MYBPC2: variants seen among roughly 807,000 people sequenced by gnomAD.
The protein encoded by MYBPC2 is myosin-binding protein C, fast-type.
MYBPC2 carries 122 observed loss-of-function variants against 137.0 expected under a neutral mutation model. That is an observed-to-expected ratio of 0.89 (90% CI 0.77 to 1.03). MYBPC2 has a LOEUF of 1.03. Among genes scored for constraint, MYBPC2 ranks in the 50% least tolerant of loss-of-function variants. MYBPC2 has a pLI of 0.00. For missense variants in MYBPC2, 1,500 were observed against 1,534.4 expected (o/e 0.98, Z 0.37); for synonymous variants, 626 against 612.3 (o/e 1.02, Z -0.33).
chr19:50,452,492 GTATGTATGTATGTATGTATCTATC>G (rs57717897), intron 16 of MYBPC2, among the ~76,000 whole-genome samples: 39,063 of 121,992 alleles, frequency 0.32, 5,258 homozygotes, highest in Middle Eastern at 0.43. Flanking sequence ...ATGTATGTAT[GTATGTATGTATGTATGTATCTATC>G]TATCTATCTA....
chr19:50,459,194 C>G lies in MYBPC2; in HGVS notation c.2679C>G (p.Phe893Leu). 6.2e-7 allele frequency: 1 copy of G among 1,609,604 alleles called. No individual in the cohort carries two copies. The highest frequency in any genetic ancestry group is 8.5e-7 in the Non-Finnish European group (1 of 1,179,104). The stretch of plus-strand genomic sequence containing the variant: ...GCGTGCACGTGCGGACCAGCGACTT[C>G]GACACCGTGTTCTTCGTGCGCCAGG... The part of the protein sequence containing the change: ...TSRVHVRTSD[F>L]DTVFFVRQAA... The change falls in exon 23 of 28, where the codon TTC (phenylalanine) becomes TTG (leucine). Residue 893 changes from phenylalanine to leucine, a missense_variant. Coordinates refer to ENST00000357701, the MANE Select transcript of MYBPC2 (RefSeq NM_004533.4).
chr19:50,457,296 G>T (rs61295154), intron 20 of MYBPC2, among the ~76,000 whole-genome samples: 3,450 of 152,196 alleles, frequency 0.023, 131 homozygotes, highest in African/African-American at 0.078. Flanking sequence ...AACCCAGCTT[G>T]TTAGAGTTCA....
Position 50,455,157 on chromosome 19 carries a change from G to A in MYBPC2, c.2064G>A (p.Leu688=). ...KKKGSQRWMK[L]NFEVFTETTY... Reference sequence around the variant, plus strand: ...AGGGCTCTCAGCGCTGGATGAAGCTGAACTTTGAGGTCTTCACAGAGACCA... The same window carrying A: ...AGGGCTCTCAGCGCTGGATGAAGCTAAACTTTGAGGTCTTCACAGAGACCA... The change falls in exon 19 of 28, where the codon CTG becomes CTA. Residue 688 remains leucine, a synonymous_variant. Coordinates refer to ENST00000357701, the MANE Select transcript of MYBPC2 (RefSeq NM_004533.4). 6.2e-7 allele frequency: 1 copy of A among 1,613,828 alleles called. No homozygotes were observed. The highest frequency in any genetic ancestry group is 8.5e-7 in the Non-Finnish European group (1 of 1,179,876).
intron 26 of MYBPC2, among the ~76,000 whole-genome samples, chr19:50,462,277 C>A (rs185149043): frequency 5.3e-5 from 8 of 151,378 alleles, no homozygotes; most frequent in Non-Finnish European, 1.0e-4. Flanking sequence ...ACTTTGACCT[C>A]CTGGGTTCAA....
In MYBPC2 at chr19:50,450,891, C is replaced by T; in HGVS notation, c.1535C>T (p.Pro512Leu). Reference sequence around the variant, plus strand: ...GATGAGGGAGACTACACGTTTGTGCCTGACGGCTACGCCCTGTCGCTCTCG... The same window carrying T: ...GATGAGGGAGACTACACGTTTGTGCTTGACGGCTACGCCCTGTCGCTCTCG... ...PEDEGDYTFVPDGYALSLSAK... is the reference protein window; with the variant it reads ...PEDEGDYTFVLDGYALSLSAK... The change falls in exon 14 of 28, where the codon CCT becomes CTT. Residue 512 changes from proline (P) to leucine (L), a missense_variant. Physicochemically the swap from Pro to Leu is moderately conservative, Grantham distance 98 (BLOSUM62 -3). Transcript: ENST00000357701. 1 of 1,578,852 alleles carries T rather than the reference C, an allele frequency of 6.3e-7. No individual in the cohort carries two copies. Among genetic ancestry groups the T allele is most frequent in the Non-Finnish European group, 8.6e-7 (1 of 1,162,702 alleles).
chr19:50,463,685 T>C (rs2039989752), intron 26 of MYBPC2, among the ~76,000 whole-genome samples: 1 of 152,138 alleles, frequency 6.6e-6, no homozygotes, highest in African/African-American at 2.4e-5. Flanking sequence ...ACACCTGTAA[T>C]CCCAGCACTT....
chr19:50,436,793 G>A, intron 5 of MYBPC2, 59 bp downstream of exon 5: 2 of 1,509,274 alleles, frequency 1.3e-6, no homozygotes, highest in Non-Finnish European at 1.8e-6. Flanking sequence ...GTGGACAGAT[G>A]TACCAGCCAG....
rs1362809226 is a variant in MYBPC2 at position 50,460,071 on chromosome 19, G to A, written c.2823G>A (p.Val941=). The A allele has an allele frequency of 6.4e-7, 1 of 1,560,128 alleles. No homozygotes were observed. Among genetic ancestry groups the A allele is most frequent in the Middle Eastern group, 1.7e-4 (1 of 5,826 alleles). ...CTGGGCCCCCCATAAACGTGATGGT[G>A]AAGGAGGTGTGGGGCACGAACGCGC... The part of the protein sequence containing the change: ...EKAGPPINVM[V]KEVWGTNALV... Residue 941 remains valine (V), a synonymous_variant, in exon 24 of 28, where the codon GTG becomes GTA. Transcript: ENST00000357701.
intron 7 of MYBPC2, 138 bp from the exon 8 acceptor site, chr19:50,440,742 T>A: frequency 1.2e-6 from 1 of 810,300 alleles, no homozygotes; most frequent in Non-Finnish European, 1.9e-6. Context: ...GCTGGGGCAA[T>A]GGACCAGGCG....
chr19:50,455,717 T>G (rs2039904212), intron 20 of MYBPC2, 73 bp downstream of exon 20: 2 of 1,577,214 alleles, frequency 1.3e-6, no homozygotes, highest in African/African-American at 2.7e-5. Context: ...GAGCTGAAAA[T>G]AGGACCATGT....
rs570177140 is a variant in MYBPC2, at chr19:50,465,884, A to G, written c.3416-311A>G. ...AAACACCCCAGATCACTGCCCTTCCAAGCCCACCCAATTTCTGATACTCTG... is the reference window on the plus strand; with the variant it reads ...AAACACCCCAGATCACTGCCCTTCCGAGCCCACCCAATTTCTGATACTCTG... On this transcript the variant is annotated intron_variant, in intron 27 of 27. Coordinates refer to ENST00000357701, the MANE Select transcript of MYBPC2 (RefSeq NM_004533.4). This position sits in a 1 kb window ranked among gnomAD's most constrained non-coding sequence, Gnocchi z 4.5. 1.6e-3 allele frequency among the ~76,000 whole-genome samples: 246 copies of G among 152,238 alleles called. 1 individual carries two copies. The highest frequency in any genetic ancestry group is 5.6e-3 in the African/African-American group (232 of 41,550).
chr19:50,448,430 G>T, intron 13 of MYBPC2, 40 bp downstream of exon 13: 1 of 1,601,060 alleles, frequency 6.2e-7, no homozygotes, highest in East Asian at 2.2e-5. Flanking sequence ...GGTAGGGTGT[G>T]CATAGCAGTT....
At position 50,443,594 on chromosome 19, in the gene MYBPC2, T is replaced by C. The variant is rs374273613; in HGVS notation, c.1003T>C (p.Cys335Arg). The C allele has an allele frequency of 1.9e-6, 3 of 1,613,234 alleles. No homozygotes were observed. In the South Asian group the frequency reaches 3.3e-5, roughly 18 times the overall value. The change falls in exon 10 of 28, where the codon TGT becomes CGT. Residue 335 changes from cysteine (C) to arginine (R), a missense_variant. Coordinates refer to ENST00000357701, the MANE Select transcript of MYBPC2 (RefSeq NM_004533.4). ...TGAAGTAGCTGTCAAGGATGAGAAG[T>C]GTTTCACCGAGCTCTTCGTCAAAGG... ...AYEVAVKDEK[C>R]FTELFVKEPP... is the part of the protein sequence containing the mutation.
chr19:50,433,868 G>T (rs1047090818), intron 1 of MYBPC2, among the ~76,000 whole-genome samples: 1 of 152,074 alleles, frequency 6.6e-6, no homozygotes, highest in Admixed American at 6.6e-5. Flanking sequence ...TTGAGGCCAG[G>T]AGTTCAAGAC....
At chr19:50,436,788 C>T in intron 5 of MYBPC2, 54 bp downstream of exon 5, 2 of 1,519,772 alleles carry the variant, frequency 1.3e-6, no homozygotes, top group South Asian at 2.3e-5. Flanking sequence ...GTGGGGTGGA[C>T]AGATGTACCA....
At chr19:50,443,429 G>A in intron 9 of MYBPC2, 65 bp from the exon 10 acceptor site, 1 of 1,573,184 alleles carries the variant, frequency 6.4e-7, no homozygotes, top group Non-Finnish European at 8.7e-7. Context: ...GAACAGGTAA[G>A]CAGAGCTACC....
In MYBPC2 at chr19:50,435,757, A is replaced by C; in HGVS notation, c.110-19A>C. 6.3e-7 allele frequency: 1 copy of C among 1,592,138 alleles called. No homozygotes were observed. Among genetic ancestry groups the C allele is most frequent in the Non-Finnish European group, 8.6e-7 (1 of 1,164,908 alleles). ...AGCCTATCTCAGACCTCCTCATCCT[A>C]ATCCTGTCCCCTGAACAGAAGCCCC... On this transcript the variant is annotated intron_variant, in intron 2 of 27. Coordinates refer to ENST00000357701, the MANE Select transcript of MYBPC2 (RefSeq NM_004533.4). This position sits in a 1 kb window ranked among gnomAD's most constrained non-coding sequence, Gnocchi z 4.8.
In MYBPC2 at chr19:50,448,777, CTT is replaced by C. The variant is rs71182719; in HGVS notation, c.1472+402_1472+403del. 7.6e-3 allele frequency among the ~76,000 whole-genome samples: 936 copies of C among 123,666 alleles called. 5 individuals are homozygous for C. The highest frequency in any genetic ancestry group is 0.022 in the African/African-American group (686 of 31,490). 81.1% of individuals were successfully genotyped at this position (123,666 alleles called of 152,430 possible). On this transcript the variant is annotated intron_variant, in intron 13 of 27. Coordinates refer to ENST00000357701, the MANE Select transcript of MYBPC2 (RefSeq NM_004533.4). ...GCCTGGACTTTTTCTTTTCTTTTTC[CTT>C]TTTTTTTTTTTTTTGAGTCAGAGCC...
In MYBPC2 at chr19:50,436,667, G is replaced by C. The variant is rs749467332; in HGVS notation, c.396G>C (p.Gly132=). Residue 132 remains glycine, a synonymous_variant, in exon 5 of 28, where the codon GGG becomes GGC. Coordinates refer to ENST00000357701, the MANE Select transcript of MYBPC2 (RefSeq NM_004533.4). ...GGAAGGTGGTACTGGGGGACCGTGG[G>C]TATTACCGCCTCGAGGTCAAAGCCA... ...HIGKVVLGDR[G]YYRLEVKAKD... The C allele has an allele frequency of 6.2e-7, 1 of 1,613,848 alleles. No individual in the cohort carries two copies. The highest frequency in any genetic ancestry group is 1.3e-5 in the African/African-American group (1 of 74,918).
Sources: gnomAD v4.1 joint callset for allele counts (sites outside exome capture counted in the v4.1 genomes callset) on GRCh38, gnomAD v4.1.1 for gene constraint, Gnocchi (gnomAD v3.1) non-coding constraint, MANE v1.5 for transcripts, NCBI Gene and HGNC (gene_info 2026-07-23, HGNC 2026-07-21) for gene names.